The following SH3RF2 variants were observed in gnomAD, a reference collection of about 807,000 sequenced individuals.
SH3RF2 encodes SH3 domain containing ring finger 2, also known as E3 ubiquitin-protein ligase SH3RF2.
In SH3RF2, 43 loss-of-function variants were observed where a neutral mutation model predicts 59.0. The ratio of observed to expected loss-of-function variants is 0.73; its 90% CI spans 0.57 to 0.94. The LOEUF (loss-of-function observed/expected upper bound fraction) is 0.94, where lower values mean the gene tolerates loss of function less well. Among genes scored for constraint, SH3RF2 ranks in the 40% least tolerant of loss-of-function variants. SH3RF2 has a pLI of 0.00. For missense variants in SH3RF2, 930 were observed against 940.1 expected, an observed-to-expected ratio of 0.99 and a Z score of 0.14; for synonymous variants, 391 against 391.5, an observed-to-expected ratio of 1.00 and a Z score of 0.01.
At chr5:146,050,773 G>T (rs747533618) in intron 7 of SH3RF2, among the ~76,000 whole-genome samples, 14 of 152,134 alleles carry the variant, frequency 9.2e-5, no homozygotes, top group Non-Finnish European at 1.6e-4. Flanking sequence ...AATTATACTG[G>T]CTAACAAAAA....
rs58658769 is a variant in SH3RF2, at chr5:145,963,243, AATGGATGGATGGATGGATGG to A, written c.378+24964_378+24983del. Among the ~76,000 whole-genome samples, 603 of 148,030 alleles carry A rather than the reference AATGGATGGATGGATGGATGG, an allele frequency of 4.1e-3. 4 individuals carry two copies. The highest frequency in any genetic ancestry group is 0.014 in the Middle Eastern group (4 of 292). Reference sequence around the variant, plus strand: ...GCTTGCACAAAATAAATACTGGATGAATGGATGGATGGATGGATGGATGGATGGATGGATGGATGGATGGA... The same window carrying A: ...GCTTGCACAAAATAAATACTGGATGAATGGATGGATGGATGGATGGATGGA... On this transcript the variant is annotated intron_variant, in intron 2 of 9. Transcript: ENST00000359120.
chr5:146,041,745 C>T (rs376860432), intron 5 of SH3RF2, among the ~76,000 whole-genome samples: 5 of 152,076 alleles, frequency 3.3e-5, no homozygotes, highest in African/African-American at 1.2e-4. Flanking sequence ...GCCTGGGCAA[C>T]GTGGTGGAAC....
chr5:146,036,625 G>C (rs553320322), intron 5 of SH3RF2, among the ~76,000 whole-genome samples: 63 of 152,314 alleles, frequency 4.1e-4, no homozygotes, highest in Admixed American at 1.7e-3. Context: ...AACATGGCAG[G>C]CAGAGGTTGC....
At chr5:146,079,952 C>G (rs1278731598) in exon 10 of SH3RF2, 2 of 152,212 alleles carry the variant, frequency 1.3e-5, no homozygotes, top group East Asian at 3.8e-4. Context: ...AACCACCACT[C>G]CTAATTTTTG....
At chr5:146,024,200 G>A (rs1761441097) in intron 5 of SH3RF2, among the ~76,000 whole-genome samples, 1 of 152,190 alleles carries the variant, frequency 6.6e-6, no homozygotes, top group Non-Finnish European at 1.5e-5. Context: ...CCCAGGCTTG[G>A]TGTATGCAGG....
intron 5 of SH3RF2, among the ~76,000 whole-genome samples, chr5:146,025,304 T>A (rs1489995979): frequency 6.6e-6 from 1 of 152,228 alleles, no homozygotes; most frequent in South Asian, 2.1e-4. Flanking sequence ...CCACCCCTTT[T>A]TCCACTGGCC....
Position 146,013,805 on chromosome 5 carries a change from C to CA in SH3RF2, c.809dup (p.Asn270LysfsTer18), listed in dbSNP as rs1761001308. On this transcript the variant is annotated frameshift_variant, in exon 5 of 10. Coordinates refer to ENST00000359120, the MANE Select transcript of SH3RF2 (RefSeq NM_152550.4). LOFTEE classifies it high-confidence loss of function. ...AACAAAGGTCGCCAGTCATCCCGCA[C>CA]AAAAAACCTGTCCCTGGTGTCCTCG... The CA allele has an allele frequency of 1.9e-6, 3 of 1,614,138 alleles. No individual in the cohort carries two copies. The highest frequency in any genetic ancestry group is 2.5e-6 in the Non-Finnish European group (3 of 1,179,994).
intron 3 of SH3RF2, among the ~76,000 whole-genome samples, chr5:146,003,565 A>G (rs1191693833): frequency 6.6e-6 from 1 of 152,142 alleles, no homozygotes; most frequent in Non-Finnish European, 1.5e-5. Flanking sequence ...GCTTATCTGT[A>G]TTTTCAAATG....
Position 145,937,781 on chromosome 5 carries a change from G to T in SH3RF2, c.-106-42G>T, listed in dbSNP as rs574606293. On this transcript the variant is annotated intron_variant, in intron 1 of 9. Transcript: ENST00000359120. ...ATGTAGGTGGGATATACCTCTCGGAGCAGTCACATTTTTTTTTCTCTCCTC... is the reference window on the plus strand; with the variant it reads ...ATGTAGGTGGGATATACCTCTCGGATCAGTCACATTTTTTTTTCTCTCCTC... 19 of 881,572 alleles carry T rather than the reference G, an allele frequency of 2.2e-5. No individual in the cohort carries two copies. In the South Asian group the frequency reaches 3.0e-4, roughly 14 times the overall value. The allele number at this position is 881,572 out of a possible 1,614,324, so 54.6% of individuals were successfully genotyped here.
intron 2 of SH3RF2, among the ~76,000 whole-genome samples, chr5:145,957,300 A>G (rs1393190371): frequency 1.3e-5 from 2 of 152,234 alleles, no homozygotes; most frequent in African/African-American, 2.4e-5. Context: ...TGTGCGGGAA[A>G]TGAATTTCTG....
chr5:146,016,972 C>T (rs1472575877), intron 5 of SH3RF2, among the ~76,000 whole-genome samples: 3 of 152,198 alleles, frequency 2.0e-5, no homozygotes, highest in African/African-American at 7.2e-5. Flanking sequence ...TCATTCTCCT[C>T]CTGTGGTAGA....
In SH3RF2 at chr5:146,013,245, A is replaced by G. The variant is rs111450752; in HGVS notation, c.745-502A>G. 7.2e-5 allele frequency among the ~76,000 whole-genome samples: 11 copies of G among 152,292 alleles called. 3 individuals are homozygous for G. The highest frequency in any genetic ancestry group is 2.6e-4 in the African/African-American group (11 of 41,556). On this transcript the variant is annotated intron_variant, in intron 4 of 9. Coordinates refer to ENST00000359120, the MANE Select transcript of SH3RF2 (RefSeq NM_152550.4). ...TGTGTAGAAGGTCCCTGCAACCCAGATAGCTAACGGACTAGTGGGGGAAAG... is the reference window on the plus strand; with the variant it reads ...TGTGTAGAAGGTCCCTGCAACCCAGGTAGCTAACGGACTAGTGGGGGAAAG...
intron 2 of SH3RF2, chr5:145,997,644 T>G: frequency 6.3e-7 from 1 of 1,575,890 alleles, no homozygotes; most frequent in Non-Finnish European, 8.7e-7. Flanking sequence ...GGCCACTTTA[T>G]GAGCAACTGT....
intron 1 of SH3RF2, 196 bp downstream of exon 1, chr5:145,936,890 C>G (rs764217411): frequency 1.8e-4 from 28 of 152,282 alleles, no homozygotes; most frequent in Admixed American, 1.2e-3. Flanking sequence ...TGAGGGACAG[C>G]TGACTTCTTC....
intron 4 of SH3RF2, among the ~76,000 whole-genome samples, chr5:146,005,510 GCA>G (rs1345824884): frequency 6.6e-6 from 1 of 152,142 alleles, no homozygotes; most frequent in Non-Finnish European, 1.5e-5. Context: ...CCAGAGCATT[GCA>G]CAGCTTTCAG....
At chr5:145,993,730 G>T (rs534241949) in intron 2 of SH3RF2, among the ~76,000 whole-genome samples, 23 of 152,358 alleles carry the variant, frequency 1.5e-4, no homozygotes, top group African/African-American at 5.5e-4. Flanking sequence ...CCCGGCCCAT[G>T]AAACCACTTT....
intron 1 of SH3RF2, among the ~76,000 whole-genome samples, chr5:145,937,546 T>TG (rs1486777404): frequency 4.6e-5 from 7 of 152,084 alleles, no homozygotes; most frequent in South Asian, 2.1e-4. Flanking sequence ...AGAGAGGGGT[T>TG]GGGGGGCCAC....
intron 5 of SH3RF2, among the ~76,000 whole-genome samples, chr5:146,023,414 G>A (rs1761406317): frequency 6.6e-6 from 1 of 152,004 alleles, no homozygotes; most frequent in Non-Finnish European, 1.5e-5. Context: ...TCACCATGTT[G>A]GCCAGGCTGG....
At chr5:145,944,825 T>G (rs1187831821) in intron 2 of SH3RF2, among the ~76,000 whole-genome samples, 2 of 152,202 alleles carry the variant, frequency 1.3e-5, no homozygotes, top group African/African-American at 4.8e-5. Flanking sequence ...TGAGAAACGC[T>G]GTCTCAGAGT....
Sources: allele counts gnomAD v4.1 joint callset (sites outside exome capture counted in the v4.1 genomes callset), GRCh38; gene constraint gnomAD v4.1.1; transcripts MANE v1.5; gene names NCBI Gene and HGNC (gene_info 2026-07-23, HGNC 2026-07-21).